The following TANC2 variants were observed in gnomAD, a reference collection of about 807,000 sequenced individuals.
TANC2 encodes tetratricopeptide repeat, ankyrin repeat and coiled-coil containing 2.
Under a neutral mutation model 210.5 loss-of-function variants are expected in TANC2, and 26 were observed. The ratio of observed to expected loss-of-function variants is 0.12; its 90% CI spans 0.09 to 0.17. TANC2 has a LOEUF of 0.17. TANC2 is among the 10% of genes least tolerant of loss of function. The pLI is 1.00. For synonymous variants in TANC2, 931 were observed against 967.1 expected (o/e 0.96, Z 0.69); for missense variants, 2,129 against 2,608.9 (o/e 0.82, Z 4.01).
chr17:63,044,358 A>G (rs1309704267), intron 2 of TANC2, among the ~76,000 whole-genome samples: 5 of 152,172 alleles, frequency 3.3e-5, no homozygotes, highest in Admixed American at 3.3e-4. Flanking sequence ...AATAGGTGGT[A>G]TCATTTCCTC....
At chr17:63,049,578 G>GA (rs2035503955) in intron 2 of TANC2, among the ~76,000 whole-genome samples, 1 of 152,200 alleles carries the variant, frequency 6.6e-6, no homozygotes, top group African/African-American at 2.4e-5. Context: ...CAGAGAGCAA[G>GA]AGTGGTAGGA....
At chr17:63,004,294 T>C (rs2033514145) in intron 1 of TANC2, among the ~76,000 whole-genome samples, 1 of 152,182 alleles carries the variant, frequency 6.6e-6, no homozygotes. Flanking sequence ...TTACTGGGGC[T>C]CAGGTCCCAA....
rs1283876843 is a variant in TANC2 at position 63,174,701 on chromosome 17, T to C, written c.434-19290T>C. On this transcript the variant is annotated intron_variant, in intron 5 of 27. Transcript: ENST00000689528. The stretch of plus-strand genomic sequence containing the variant: ...ATATGTTTGTATGTTAGCAGAGCAA[T>C]ATATAAACACAAATACCTGTAATAT... Among the ~76,000 whole-genome samples the C allele has an allele frequency of 2.0e-5, 3 of 152,172 alleles. No individual in the cohort carries two copies. In the East Asian group the frequency reaches 5.8e-4, roughly 29 times the overall value.
rs1158134334 is a variant in TANC2, at chr17:63,247,857, G to A, written c.1033+9780G>A. On this transcript the variant is annotated intron_variant, in intron 8 of 27. Transcript: ENST00000689528. ...AAACAGACCTACTTTGGCCTACAGG[G>A]CAAGTCATATGTCAGGGAATAGTTT... Among the ~76,000 whole-genome samples the A allele has an allele frequency of 2.6e-5, 4 of 152,076 alleles. 1 individual carries two copies. Among genetic ancestry groups the A allele is most frequent in the Non-Finnish European group, 5.9e-5 (4 of 67,940 alleles).
chr17:63,008,848 T>TG (rs1598240447), intron 1 of TANC2, among the ~76,000 whole-genome samples: 2 of 5,202 alleles, frequency 3.8e-4, no homozygotes, highest in Non-Finnish European at 7.5e-4. Flanking sequence ...TGTGTGGTGG[T>TG]GGGGGGTGGG....
Position 63,412,310 on chromosome 17 carries a change from T to C in TANC2, c.3898+180T>C, listed in dbSNP as rs952314520. 6.6e-6 allele frequency among the ~76,000 whole-genome samples: 1 copy of C among 152,218 alleles called. No homozygotes were observed. Among genetic ancestry groups the C allele is most frequent in the African/African-American group, 2.4e-5 (1 of 41,466 alleles). On this transcript the variant is annotated intron_variant, in intron 23 of 27. Coordinates refer to ENST00000689528, the Ensembl canonical transcript of TANC2. The surrounding 1 kb of genome is among the most constrained non-coding windows in gnomAD (Gnocchi z 4.2). Reference sequence around the variant, plus strand: ...GGAAAGCGCCATCTGAGCCATGGTCTGCAGTCCCCTGTGTCCAGAACCACG... The same window carrying C: ...GGAAAGCGCCATCTGAGCCATGGTCCGCAGTCCCCTGTGTCCAGAACCACG...
intron 14 of TANC2, among the ~76,000 whole-genome samples, chr17:63,365,324 C>T (rs1192436146): frequency 6.6e-6 from 1 of 152,188 alleles, no homozygotes; most frequent in African/African-American, 2.4e-5. Flanking sequence ...TGTAGCCGTC[C>T]ACATATCCAG....
chr17:63,254,001 G>T (rs1425337890), intron 8 of TANC2, among the ~76,000 whole-genome samples: 2 of 151,954 alleles, frequency 1.3e-5, no homozygotes, highest in East Asian at 3.9e-4. Flanking sequence ...TAAATTTTAG[G>T]ATTAGTTTTT....
chr17:63,253,080 CAG>C (rs138850799), intron 8 of TANC2, among the ~76,000 whole-genome samples: 11,055 of 152,218 alleles, frequency 0.073, 1,262 homozygotes, highest in African/African-American at 0.24. Context: ...TTCCTACTGA[CAG>C]TGAACAAGGG....
rs571968003 is a variant in TANC2 at position 63,394,774 on chromosome 17, C to G, written c.3052-969C>G. The stretch of plus-strand genomic sequence containing the variant: ...GAAATGTTATTTCACTTTTACATTC[C>G]TTTAAATTTATTGTATACTCCTTTG... On this transcript the variant is annotated intron_variant, in intron 17 of 27. Coordinates refer to ENST00000689528, the Ensembl canonical transcript of TANC2. 2.0e-5 allele frequency among the ~76,000 whole-genome samples: 3 copies of G among 152,264 alleles called. No homozygotes were observed. The South Asian group carries it at 6.2e-4, about 32-fold the overall frequency.
chr17:63,231,356 T>TA (rs1161106267), intron 7 of TANC2, among the ~76,000 whole-genome samples: 4 of 152,234 alleles, frequency 2.6e-5, no homozygotes, highest in African/African-American at 9.6e-5. Flanking sequence ...ATGGTACTAT[T>TA]AGTCTTTGTA....
intron 4 of TANC2, among the ~76,000 whole-genome samples, chr17:63,133,096 C>G (rs995930508): frequency 7.2e-5 from 11 of 152,242 alleles, no homozygotes; most frequent in Non-Finnish European, 1.5e-4. Flanking sequence ...GCCTCAGTCT[C>G]CCAAGCAGCT....
chr17:63,295,655 C>T (rs2044513169), intron 9 of TANC2, among the ~76,000 whole-genome samples: 1 of 152,192 alleles, frequency 6.6e-6, no homozygotes, highest in South Asian at 2.1e-4. Context: ...TAAGCCTAAT[C>T]AATTCTGGTC....
intron 2 of TANC2, among the ~76,000 whole-genome samples, chr17:63,068,475 A>G (rs887172226): frequency 6.6e-6 from 1 of 152,048 alleles, no homozygotes; most frequent in African/African-American, 2.4e-5. Context: ...GCTTATATAC[A>G]AGCAGATTAG....
At chr17:62,992,577 G>T (rs1241254716) in intron 1 of TANC2, among the ~76,000 whole-genome samples, 2 of 152,172 alleles carry the variant, frequency 1.3e-5, no homozygotes, top group Non-Finnish European at 1.5e-5. Context: ...AAAAATTCAG[G>T]TGTTTTTATT....
chr17:63,273,934 C>T (rs954088893), intron 9 of TANC2, among the ~76,000 whole-genome samples: 1 of 152,212 alleles, frequency 6.6e-6, no homozygotes, highest in African/African-American at 2.4e-5. Flanking sequence ...CTTTTAAAAC[C>T]ACTAGTTTAG....
chr17:63,077,720 C>G (rs1323403619), intron 3 of TANC2, among the ~76,000 whole-genome samples: 1 of 152,126 alleles, frequency 6.6e-6, no homozygotes, highest in Non-Finnish European at 1.5e-5. Flanking sequence ...AGTTCTTTAG[C>G]AGAATCCAGA....
At chr17:62,982,849 G>T (rs2032372152) in intron 1 of TANC2, among the ~76,000 whole-genome samples, 1 of 152,204 alleles carries the variant, frequency 6.6e-6, no homozygotes, top group Non-Finnish European at 1.5e-5. Context: ...GTACCATGCT[G>T]TTTTGGTTAT....
chr17:63,099,885 TATG>T (rs1437876930), intron 4 of TANC2, among the ~76,000 whole-genome samples: 2 of 152,238 alleles, frequency 1.3e-5, no homozygotes, highest in Non-Finnish European at 2.9e-5. Flanking sequence ...TTGACTTTAA[TATG>T]ATCTCACAAT....
Sources: allele counts gnomAD v4.1 joint callset (sites outside exome capture counted in the v4.1 genomes callset), GRCh38; gene constraint gnomAD v4.1.1; non-coding constraint Gnocchi (gnomAD v3.1); transcripts MANE v1.5; gene names NCBI Gene and HGNC (gene_info 2026-07-23, HGNC 2026-07-21).